The following MARK1 variants were observed in gnomAD, a reference collection of about 807,000 sequenced individuals.
MARK1 encodes microtubule affinity regulating kinase 1, also known as serine/threonine-protein kinase MARK1.
Under a neutral mutation model 96.3 loss-of-function variants are expected in MARK1, and 40 were observed. The ratio of observed to expected loss-of-function variants is 0.42; its 90% CI spans 0.32 to 0.54. The LOEUF is 0.54. Ranked by LOEUF, MARK1 falls within the 20% of genes least tolerant of loss-of-function variation. The pLI, the probability that MARK1 is intolerant of heterozygous loss-of-function variation, is 0.16. For missense variants in MARK1, 719 were observed against 984.6 expected (o/e 0.73, Z 3.61); for synonymous variants, 317 against 341.2 (o/e 0.93, Z 0.78).
chr1:220,613,619 AT>A (rs1457570191), intron 6 of MARK1, among the ~76,000 whole-genome samples: 1 of 152,230 alleles, frequency 6.6e-6, no homozygotes, highest in Non-Finnish European at 1.5e-5. Context: ...TGAACATACT[AT>A]AACCTATATA....
chr1:220,625,354 C>T (rs1667266956), intron 9 of MARK1, among the ~76,000 whole-genome samples: 2 of 152,128 alleles, frequency 1.3e-5, no homozygotes, highest in African/African-American at 4.8e-5. Context: ...CCATTTAGTG[C>T]TGGGTACTTT....
chr1:220,635,527 A>G lies in MARK1; in HGVS notation c.1274A>G (p.His425Arg), dbSNP rs773282270. The change falls in exon 12 of 18, where the codon CAT (histidine) becomes CGT (arginine). Residue 425 changes from histidine to arginine, a missense_variant and splice_region_variant. His to Arg is a conservative substitution (Grantham distance 29, BLOSUM62 0). Around this residue, in one of 4 missense-constraint regions of MARK1, gnomAD observed 501 missense variants for 588.3 expected, o/e 0.85. Coordinates refer to ENST00000366917, the MANE Select transcript of MARK1 (RefSeq NM_018650.5). ...CAGAAGCAGCGGCGTTTCAGTGATC[A>G]TGGTAGGGGAAAAAGTCACATAAGT... ...ANQKQRRFSD[H>R]AGPSIPPAVS... is the part of the protein sequence containing the mutation. 7 of 1,601,780 alleles carry G rather than the reference A, an allele frequency of 4.4e-6. No homozygotes were observed. Among genetic ancestry groups the G allele is most frequent in the Non-Finnish European group, 5.9e-6 (7 of 1,177,194 alleles).
At position 220,650,646 on chromosome 1, in the gene MARK1, G is replaced by A; in HGVS notation, c.1497G>A (p.Met499Ile). 1 of 1,611,184 alleles carries A rather than the reference G, an allele frequency of 6.2e-7. No individual in the cohort carries two copies. The highest frequency in any genetic ancestry group is 1.7e-4 in the Middle Eastern group (1 of 6,058). Residue 499 changes from methionine to isoleucine, a missense_variant, in exon 14 of 18, where the codon ATG becomes ATA. Met to Ile is a conservative substitution (Grantham distance 10, BLOSUM62 1). This residue lies in a region of MARK1 where 501 missense variants were observed against 588.3 expected (regional missense o/e 0.85). Transcript: ENST00000366917. ...ACAATGTGTATTCTGGAGGTAGCAT[G>A]GCAAGAAGGAATACATATGTCTGTG... ...PSNNVYSGGSMARRNTYVCER... is the reference protein window; with the variant it reads ...PSNNVYSGGSIARRNTYVCER...
At chr1:220,568,712 A>T (rs1243607044) in intron 1 of MARK1, among the ~76,000 whole-genome samples, 2 of 152,040 alleles carry the variant, frequency 1.3e-5, no homozygotes, top group African/African-American at 4.8e-5. Context: ...CCTTCTGGAG[A>T]TAGTCTGTGC....
intron 13 of MARK1, among the ~76,000 whole-genome samples, chr1:220,643,445 G>T (rs1157443732): frequency 6.6e-6 from 1 of 151,620 alleles, no homozygotes; most frequent in African/African-American, 2.4e-5. Flanking sequence ...TATGTAAAAG[G>T]ACTGATTGGA....
rs1572074526 is a variant in MARK1 at position 220,556,806 on chromosome 1, C to A, written c.52-22548C>A. On this transcript the variant is annotated intron_variant, in intron 1 of 17. Coordinates refer to ENST00000366917, the MANE Select transcript of MARK1 (RefSeq NM_018650.5). ...TGATTAAGCAGCAGATTATTCCCAG[C>A]CAAAGATAGACTTGATGGACTGGTA... Among the ~76,000 whole-genome samples, 3 of 152,176 alleles carry A rather than the reference C, an allele frequency of 2.0e-5. No individual in the cohort carries two copies. In the South Asian group the frequency reaches 6.2e-4, roughly 32 times the overall value.
intron 1 of MARK1, among the ~76,000 whole-genome samples, chr1:220,568,421 T>G (rs1438224184): frequency 6.6e-6 from 1 of 152,094 alleles, no homozygotes; most frequent in Non-Finnish European, 1.5e-5. Context: ...TCCTGAAGAA[T>G]GGCTATGAAA....
chr1:220,647,898 G>A (rs1668668828), intron 13 of MARK1, among the ~76,000 whole-genome samples: 1 of 152,068 alleles, frequency 6.6e-6, no homozygotes, highest in African/African-American at 2.4e-5. Flanking sequence ...TTCAGAGGAG[G>A]GCGGAGGTCG....
At chr1:220,657,575 GCC>G (rs1669241930) in intron 16 of MARK1, among the ~76,000 whole-genome samples, 1 of 152,102 alleles carries the variant, frequency 6.6e-6, no homozygotes. Flanking sequence ...ACCTCATATT[GCC>G]TCTTGACAAA....
chr1:220,591,703 A>G (rs1055589637), intron 3 of MARK1, among the ~76,000 whole-genome samples: 2 of 152,230 alleles, frequency 1.3e-5, no homozygotes, highest in African/African-American at 2.4e-5. Flanking sequence ...ACAAATGTAT[A>G]TGCATTGATG....
chr1:220,600,977 CCGCCTCCCAAGTTCACTCCAAGCTT>C (rs1665701110), intron 5 of MARK1, among the ~76,000 whole-genome samples: 1 of 151,468 alleles, frequency 6.6e-6, no homozygotes, highest in Non-Finnish European at 1.5e-5. Context: ...ACTGCAAGCT[CCGCCTCCCAAGTTCACTCCAAGCTT>C]CGCCTCCCAG....
At chr1:220,625,869 C>A in intron 9 of MARK1, 1 of 479,046 alleles carries the variant, frequency 2.1e-6, no homozygotes, top group Non-Finnish European at 4.2e-6. Context: ...TGCTGCCCAG[C>A]TATGGTCTCC....
intron 1 of MARK1, among the ~76,000 whole-genome samples, chr1:220,543,582 C>CTTTCTAGCTAAA (rs1443862429): frequency 6.6e-6 from 1 of 152,128 alleles, no homozygotes; most frequent in Non-Finnish European, 1.5e-5. Flanking sequence ...AATTCTTCTG[C>CTTTCTAGCTAAA]GTATAAACTT....
chr1:220,554,280 AT>A (rs1662087318), intron 1 of MARK1, among the ~76,000 whole-genome samples: 1 of 152,100 alleles, frequency 6.6e-6, no homozygotes, highest in Non-Finnish European at 1.5e-5. Context: ...GACCAGTGTG[AT>A]TTCCTATAGA....
chr1:220,633,750 A>G (rs952189924), intron 11 of MARK1, among the ~76,000 whole-genome samples: 1 of 152,250 alleles, frequency 6.6e-6, no homozygotes, highest in African/African-American at 2.4e-5. Context: ...ATAAGAGCCC[A>G]TGAGATTTCC....
At chr1:220,660,261 CA>C (rs1484089689) in intron 17 of MARK1, among the ~76,000 whole-genome samples, 2 of 151,818 alleles carry the variant, frequency 1.3e-5, no homozygotes, top group Non-Finnish European at 2.9e-5. Flanking sequence ...ATTCAGTGGG[CA>C]AAAAGAGAAA....
At chr1:220,609,402 G>A (rs1171322885) in intron 6 of MARK1, among the ~76,000 whole-genome samples, 5 of 151,868 alleles carry the variant, frequency 3.3e-5, no homozygotes, top group Non-Finnish European at 7.4e-5. Context: ...TTTTCCATTT[G>A]CTTGGTAGAT....
intron 1 of MARK1, among the ~76,000 whole-genome samples, chr1:220,568,127 C>A (rs1477930620): frequency 6.6e-6 from 1 of 151,988 alleles, no homozygotes; most frequent in African/African-American, 2.4e-5. Flanking sequence ...CTTTTTGGTA[C>A]TTCTTGATAT....
At chr1:220,540,296 C>G (rs961847549) in intron 1 of MARK1, among the ~76,000 whole-genome samples, 3 of 152,140 alleles carry the variant, frequency 2.0e-5, no homozygotes, top group African/African-American at 7.2e-5. Context: ...ACCAGTAGCT[C>G]TAATGCCTGC....
Sources: gnomAD v4.1 joint callset for allele counts (sites outside exome capture counted in the v4.1 genomes callset) on GRCh38, gnomAD v4.1.1 for gene constraint, gnomAD v4.1.1 regional missense constraint, MANE v1.5 for transcripts, NCBI Gene and HGNC (gene_info 2026-07-23, HGNC 2026-07-21) for gene names.